PIAS2: variants seen among roughly 807,000 people sequenced by gnomAD.
The protein encoded by PIAS2 is protein inhibitor of activated STAT 2.
In PIAS2, 19 loss-of-function variants were observed where a neutral mutation model predicts 69.7. The observed-to-expected ratio is 0.27, with a 90% CI of 0.19 to 0.40. The LOEUF (loss-of-function observed/expected upper bound fraction) is 0.40. Ranked by LOEUF, PIAS2 falls within the 10% of genes least tolerant of loss-of-function variation. The pLI is 1.00. For missense variants in PIAS2, 624 were observed against 757.0 expected, an observed-to-expected ratio of 0.82 and a Z score of 2.06; for synonymous variants, 261 against 263.2, an observed-to-expected ratio of 0.99 and a Z score of 0.08.
At chr18:46,917,089 TCAG>T (rs1441930357) in intron 1 of PIAS2, 2 of 988,886 alleles carry the variant, frequency 2.0e-6, no homozygotes, top group Middle Eastern at 1.0e-3. Context: ...CTGGCAGCAC[TCAG>T]GAGCCGGCTC....
chr18:46,916,016 T>TGA (rs1276154168), intron 1 of PIAS2, among the ~76,000 whole-genome samples: 1 of 152,190 alleles, frequency 6.6e-6, no homozygotes, highest in Non-Finnish European at 1.5e-5. Context: ...ACCCTTAAAC[T>TGA]TATCAAGTAT....
intron 1 of PIAS2, among the ~76,000 whole-genome samples, chr18:46,895,037 C>T (rs1177552230): frequency 6.7e-6 from 1 of 150,100 alleles, no homozygotes; most frequent in Non-Finnish European, 1.5e-5. Context: ...CATACCATTG[C>T]ACTCCAGCCT....
At chr18:46,824,542 A>C (rs147062764) in intron 11 of PIAS2, among the ~76,000 whole-genome samples, 359 of 152,308 alleles carry the variant, frequency 2.4e-3, no homozygotes, top group African/African-American at 8.3e-3. Flanking sequence ...GTATTATAAG[A>C]CTGCATTTAA....
Position 46,832,938 on chromosome 18 carries a change from T to C in PIAS2, c.1203-3071A>G, listed in dbSNP as rs376810531. 6.1e-5 allele frequency among the ~76,000 whole-genome samples: 9 copies of C among 147,336 alleles called. No homozygotes were observed. The East Asian group carries it at 1.6e-3, about 26-fold the overall frequency. ...AAGCCATACCAAATGTTAATGAGAA[T>C]GAGGAGCAATCAAAACTCTCCATAT... On this transcript the variant is annotated intron_variant, in intron 9 of 13. Transcript: ENST00000585916.
intron 2 of PIAS2, among the ~76,000 whole-genome samples, chr18:46,870,134 T>C (rs1272890558): frequency 6.6e-6 from 1 of 152,082 alleles, no homozygotes; most frequent in African/African-American, 2.4e-5. Context: ...TCTGAGTCTA[T>C]GCCTCCTCCA....
intron 2 of PIAS2, among the ~76,000 whole-genome samples, chr18:46,865,567 G>A (rs572548126): frequency 1.3e-5 from 2 of 149,284 alleles, no homozygotes; most frequent in South Asian, 4.2e-4. Flanking sequence ...ATATAACACT[G>A]TCCAGTTTTC....
intron 5 of PIAS2, among the ~76,000 whole-genome samples, chr18:46,851,146 G>C (rs2046907007): frequency 6.6e-6 from 1 of 152,098 alleles, no homozygotes; most frequent in Non-Finnish European, 1.5e-5. Context: ...GGCCATCAGG[G>C]TAACTAACAC....
chr18:46,822,812 A>G (rs572311057), intron 11 of PIAS2, among the ~76,000 whole-genome samples: 2 of 152,168 alleles, frequency 1.3e-5, no homozygotes, highest in Non-Finnish European at 2.9e-5. Context: ...GGAGGGGACT[A>G]AAGAAGTGGT....
At chr18:46,859,573 A>T (rs911042214) in intron 3 of PIAS2, among the ~76,000 whole-genome samples, 3 of 152,230 alleles carry the variant, frequency 2.0e-5, no homozygotes, top group African/African-American at 7.2e-5. Context: ...AGAAGGAAAT[A>T]TACTAAGCAA....
At chr18:46,840,990 C>T (rs1384812319) in intron 8 of PIAS2, among the ~76,000 whole-genome samples, 1 of 147,500 alleles carries the variant, frequency 6.8e-6, no homozygotes, top group Non-Finnish European at 1.5e-5. Context: ...TTTTTTTAAA[C>T]ATACTAGAAT....
chr18:46,892,082 C>G (rs1303253619), intron 1 of PIAS2, among the ~76,000 whole-genome samples: 2 of 152,096 alleles, frequency 1.3e-5, no homozygotes, highest in East Asian at 3.9e-4. Flanking sequence ...ACTCCCCCAA[C>G]CCAGCCCGTG....
At chr18:46,869,673 G>A (rs2050030231) in intron 2 of PIAS2, among the ~76,000 whole-genome samples, 1 of 152,116 alleles carries the variant, frequency 6.6e-6, no homozygotes, top group Non-Finnish European at 1.5e-5. Flanking sequence ...CATACTGGAG[G>A]GACAGTGAAA....
intron 7 of PIAS2, among the ~76,000 whole-genome samples, 192 bp downstream of exon 7, chr18:46,844,542 T>C (rs1276329283): frequency 1.3e-5 from 2 of 152,110 alleles, no homozygotes; most frequent in Non-Finnish European, 2.9e-5. Context: ...CTTCCTTTGA[T>C]AATTAAAAAC....
At chr18:46,861,718 G>T (rs1182749606) in intron 3 of PIAS2, among the ~76,000 whole-genome samples, 1 of 152,116 alleles carries the variant, frequency 6.6e-6, no homozygotes, top group African/African-American at 2.4e-5. Flanking sequence ...CACCTGATCA[G>T]TACTCTTCAA....
intron 1 of PIAS2, among the ~76,000 whole-genome samples, chr18:46,907,123 A>G (rs2146247013): frequency 6.6e-6 from 1 of 152,298 alleles, no homozygotes; most frequent in African/African-American, 2.4e-5. Context: ...TTAAAAGTCC[A>G]GCAGAACTCT....
At chr18:46,886,729 C>T (rs991681403) in intron 2 of PIAS2, among the ~76,000 whole-genome samples, 7 of 151,724 alleles carry the variant, frequency 4.6e-5, no homozygotes, top group South Asian at 2.1e-4. Flanking sequence ...CTCAGCTACT[C>T]GGGAGGCTGA....
intron 5 of PIAS2, among the ~76,000 whole-genome samples, chr18:46,849,887 C>T (rs533616251): frequency 3.3e-5 from 5 of 152,228 alleles, no homozygotes; most frequent in African/African-American, 9.6e-5. Context: ...ATACACATTT[C>T]TTTTTGTCCT....
chr18:46,882,909 T>C (rs1253012426), intron 2 of PIAS2, among the ~76,000 whole-genome samples: 1 of 151,992 alleles, frequency 6.6e-6, no homozygotes. Context: ...CTGGACAACA[T>C]GGTGAAACCC....
intron 2 of PIAS2, among the ~76,000 whole-genome samples, chr18:46,878,743 C>T (rs1368847675): frequency 6.6e-6 from 1 of 152,210 alleles, no homozygotes; most frequent in Admixed American, 6.5e-5. Context: ...TGGCCCATGC[C>T]TGTAAGCCCA....
Sources: gnomAD v4.1 joint callset for allele counts (sites outside exome capture counted in the v4.1 genomes callset) on GRCh38, gnomAD v4.1.1 for gene constraint, MANE v1.5 for transcripts, NCBI Gene and HGNC (gene_info 2026-07-23, HGNC 2026-07-21) for gene names.